Variants in BCL2L13 observed in about 807,000 individuals in gnomAD.
The protein encoded by BCL2L13 is BCL2 like 13, also known as bcl-2-like protein 13.
Under a neutral mutation model 25.8 loss-of-function variants are expected in BCL2L13, and 13 were observed. That is an observed-to-expected ratio of 0.50 (90% CI 0.33 to 0.80). The LOEUF is 0.80. BCL2L13 is among the 30% of genes least tolerant of loss of function. The probability of loss-of-function intolerance (pLI) is 0.02; values close to 1 mark genes in which losing one functional copy is unlikely to be tolerated. For synonymous variants in BCL2L13, 244 were observed against 230.3 expected (o/e 1.06, Z -0.54); for missense variants, 504 against 574.9 (o/e 0.88, Z 1.26).
intron 6 of BCL2L13, among the ~76,000 whole-genome samples, chr22:17,725,588 TG>T (rs2061273315): frequency 6.6e-6 from 1 of 152,202 alleles, no homozygotes; most frequent in South Asian, 2.1e-4. Flanking sequence ...GAACTCTTAA[TG>T]GCACTTGGAC....
chr22:17,648,079 G>A (rs2058556248), intron 1 of BCL2L13, among the ~76,000 whole-genome samples: 1 of 151,398 alleles, frequency 6.6e-6, no homozygotes, highest in South Asian at 2.1e-4. Context: ...GCAGTGAGCC[G>A]AGGTCATGCC....
intron 4 of BCL2L13, among the ~76,000 whole-genome samples, chr22:17,690,103 A>G (rs566608421): frequency 1.3e-5 from 2 of 152,202 alleles, no homozygotes; most frequent in South Asian, 2.1e-4. Context: ...AGGTGGAGGT[A>G]TCACTGGAAG....
In BCL2L13 at chr22:17,723,319, A is replaced by G. The variant is rs2061201345; in HGVS notation, c.601-3358A>G. On this transcript the variant is annotated intron_variant, in intron 6 of 6. Transcript: ENST00000317582. ...CTCTTCCAAGCCAATGGGCCCTCCA[A>G]TTTTCCTAATTGTATACTGCAGTAC... Among the ~76,000 whole-genome samples the G allele has an allele frequency of 3.3e-5, 5 of 152,240 alleles. No individual in the cohort carries two copies. The South Asian group carries it at 6.2e-4, about 19-fold the overall frequency.
intron 1 of BCL2L13, among the ~76,000 whole-genome samples, chr22:17,630,175 C>T (rs541171948): frequency 1.3e-5 from 2 of 149,074 alleles, no homozygotes; most frequent in South Asian, 4.2e-4. Context: ...CAAGATCGTG[C>T]CACTGCACTC....
At position 17,683,342 on chromosome 22, in the gene BCL2L13, C is replaced by G. The variant is rs1454758494; in HGVS notation, c.229+21C>G. On this transcript the variant is annotated intron_variant, in intron 3 of 6. Transcript: ENST00000317582. ...TGAAGGTCTGTTTATTCTTATTTTT[C>G]TAGTTAATAAGCAGATTGTGTTTGT... is the stretch of plus-strand genomic sequence containing the variant. The G allele has an allele frequency of 1.1e-5, 15 of 1,351,636 alleles. No homozygotes were observed. In the Admixed American group the frequency reaches 3.1e-4, roughly 28 times the overall value. 83.7% of individuals were successfully genotyped at this position (1,351,636 alleles called of 1,614,324 possible). A position where few individuals can be genotyped will look rare whatever the true frequency, so the allele number is the denominator to read the frequency against.
At chr22:17,661,300 C>G (rs1265511471) in intron 2 of BCL2L13, among the ~76,000 whole-genome samples, 1 of 145,264 alleles carries the variant, frequency 6.9e-6, no homozygotes, top group African/African-American at 2.4e-5. Context: ...ACTGTCTTGG[C>G]CAGGCTGGTC....
At position 17,715,152 on chromosome 22, in the gene BCL2L13, A is replaced by T. The variant is rs1569007848; in HGVS notation, c.601-11525A>T. 2.1e-3 allele frequency among the ~76,000 whole-genome samples: 12 copies of T among 5,828 alleles called. 1 individual carries two copies. The highest frequency in any genetic ancestry group is 7.7e-3 in the South Asian group (1 of 130). 3.8% of individuals were successfully genotyped at this position (5,828 alleles called of 152,430 possible). On this transcript the variant is annotated intron_variant, in intron 6 of 6. Transcript: ENST00000317582. ...TATATATATATATATATATATATAT[A>T]TATATATATATATATATATTTTTTT...
upstream of BCL2L13, among the ~76,000 whole-genome samples, chr22:17,637,331 C>T (rs112110687): frequency 6.2e-3 from 935 of 150,628 alleles, 11 homozygotes; most frequent in African/African-American, 0.022. Context: ...CGCTTGAACC[C>T]GAAAGGCAGA....
chr22:17,672,484 G>A lies in BCL2L13; in HGVS notation c.122-10730G>A, dbSNP rs1424316109. ...AGTGGGTGGGACTTAGTGTGCTAAA[G>A]TCTGTTTATCTTTGAAATATTTGTA... On this transcript the variant is annotated intron_variant, in intron 2 of 6. Transcript: ENST00000317582. 2.6e-5 allele frequency among the ~76,000 whole-genome samples: 4 copies of A among 152,170 alleles called. No homozygotes were observed. In the East Asian group the frequency reaches 7.7e-4, roughly 29 times the overall value.
chr22:17,699,107 G>GT (rs1240931942), intron 5 of BCL2L13, among the ~76,000 whole-genome samples: 1 of 152,088 alleles, frequency 6.6e-6, no homozygotes, highest in Non-Finnish European at 1.5e-5. Flanking sequence ...CTAATGAGTG[G>GT]TTTTATCTAT....
intron 1 of BCL2L13, among the ~76,000 whole-genome samples, chr22:17,652,584 G>T (rs2058723519): frequency 6.6e-6 from 1 of 152,016 alleles, no homozygotes. Context: ...GACTACAGGT[G>T]CATGTCACCA....
chr22:17,719,827 C>CAAAA (rs60474373), intron 6 of BCL2L13, among the ~76,000 whole-genome samples: 58 of 90,958 alleles, frequency 6.4e-4, no homozygotes, highest in Non-Finnish European at 7.2e-4. Context: ...GACTCCATCT[C>CAAAA]AAAAAAAAAA....
In BCL2L13 at chr22:17,727,951, C is replaced by G. The variant is rs1429038676; in HGVS notation, c.*417C>G. On this transcript the variant is annotated 3_prime_UTR_variant, in exon 7 of 7. Coordinates refer to ENST00000317582, the MANE Select transcript of BCL2L13 (RefSeq NM_015367.4). ...GCCAAATGTCCCGTGTGAACATCCC[C>G]TATTGAGACCCACTGCTTTAGCGAG... is the stretch of plus-strand genomic sequence containing the variant. 1.0e-5 allele frequency: 2 copies of G among 191,324 alleles called. No homozygotes were observed. Among genetic ancestry groups the G allele is most frequent in the East Asian group, 1.2e-4 (1 of 8,538 alleles). 11.9% of individuals were successfully genotyped at this position (191,324 alleles called of 1,614,324 possible). A position where few individuals can be genotyped will look rare whatever the true frequency, so the allele number is the denominator to read the frequency against.
chr22:17,697,336 G>A (rs1054246980), intron 5 of BCL2L13, among the ~76,000 whole-genome samples: 1 of 152,108 alleles, frequency 6.6e-6, no homozygotes, highest in Non-Finnish European at 1.5e-5. Context: ...TACTCAGGAG[G>A]CTGAGGCAGG....
At chr22:17,652,150 T>C (rs1470436447) in intron 1 of BCL2L13, among the ~76,000 whole-genome samples, 1 of 152,196 alleles carries the variant, frequency 6.6e-6, no homozygotes, top group Admixed American at 6.6e-5. Flanking sequence ...ATGCATTTAA[T>C]ACACCTACCA....
At chr22:17,634,366 T>C (rs2058073101), upstream of BCL2L13, among the ~76,000 whole-genome samples, 1 of 152,086 alleles carries the variant, frequency 6.6e-6, no homozygotes, top group South Asian at 2.1e-4. Context: ...TTTGTATTTT[T>C]AGTAGAGACG....
At chr22:17,703,142 A>G (rs1847151105) in intron 6 of BCL2L13, 1 of 151,366 alleles carries the variant, frequency 6.6e-6, no homozygotes, top group South Asian at 2.1e-4. Flanking sequence ...GCAACAGAGC[A>G]ACAACAACAA....
At chr22:17,670,997 A>G (rs2146622350) in intron 2 of BCL2L13, among the ~76,000 whole-genome samples, 1 of 152,314 alleles carries the variant, frequency 6.6e-6, no homozygotes, top group African/African-American at 2.4e-5. Flanking sequence ...ATAGTGGCTC[A>G]CACCTGTAAT....
intron 1 of BCL2L13, among the ~76,000 whole-genome samples, chr22:17,643,213 T>A (rs551948696): frequency 2.0e-5 from 3 of 152,320 alleles, no homozygotes; most frequent in East Asian, 3.9e-4. Flanking sequence ...TAGTGTCTGC[T>A]GAGTTTTAAA....
Sources: gnomAD v4.1 joint callset for allele counts (sites outside exome capture counted in the v4.1 genomes callset) on GRCh38, gnomAD v4.1.1 for gene constraint, MANE v1.5 for transcripts, NCBI Gene and HGNC (gene_info 2026-07-23, HGNC 2026-07-21) for gene names.